SH3GL2: variants seen among roughly 807,000 people sequenced by gnomAD.
The protein encoded by SH3GL2 is endophilin-A1.
A neutral mutation model predicts 46.0 loss-of-function variants in SH3GL2; 24 were observed. The ratio of observed to expected loss-of-function variants is 0.52; its 90% confidence interval spans 0.38 to 0.73. The LOEUF is 0.73. SH3GL2 is among the 30% of genes least tolerant of loss of function. The pLI, the probability that SH3GL2 is intolerant of heterozygous loss-of-function variation, is 0.00. For synonymous variants in SH3GL2, 196 were observed against 147.1 expected, an observed-to-expected ratio of 1.33 and a Z score of -2.40; for missense variants, 413 against 424.2, an observed-to-expected ratio of 0.97 and a Z score of 0.23.
At chr9:17,721,997 G>A (rs1291664651) in intron 1 of SH3GL2, among the ~76,000 whole-genome samples, 2 of 152,088 alleles carry the variant, frequency 1.3e-5, no homozygotes, top group African/African-American at 4.8e-5. Flanking sequence ...TGGTGCCTGA[G>A]ACACATGTAT....
intron 2 of SH3GL2, among the ~76,000 whole-genome samples, chr9:17,759,100 T>G (rs1350204856): frequency 6.6e-6 from 1 of 152,024 alleles, no homozygotes; most frequent in Non-Finnish European, 1.5e-5. Context: ...GTAGCCAAAA[T>G]GAGAAACTAG....
intron 3 of SH3GL2, among the ~76,000 whole-genome samples, chr9:17,775,587 A>C (rs1248594461): frequency 6.6e-6 from 1 of 152,236 alleles, no homozygotes; most frequent in Non-Finnish European, 1.5e-5. Flanking sequence ...AGATAGTAGC[A>C]ATTAATGAAT....
chr9:17,630,464 A>T (rs1300328115), intron 1 of SH3GL2: 3 of 152,236 alleles, frequency 2.0e-5, no homozygotes, highest in Admixed American at 6.5e-5. Flanking sequence ...ACACAAACAC[A>T]CACCCTACTC....
intron 2 of SH3GL2, among the ~76,000 whole-genome samples, chr9:17,758,559 C>CT (rs1823071872): frequency 9.1e-5 from 1 of 10,942 alleles, no homozygotes; most frequent in Admixed American, 1.7e-3. Flanking sequence ...AAGACCCTGT[C>CT]TCAAAAAAAA....
intron 1 of SH3GL2, among the ~76,000 whole-genome samples, chr9:17,695,409 G>C (rs1288710464): frequency 6.6e-6 from 1 of 152,138 alleles, no homozygotes. Flanking sequence ...CAGGGGGTTA[G>C]AAACTTCACG....
chr9:17,759,517 A>C (rs191952892), intron 2 of SH3GL2, among the ~76,000 whole-genome samples: 75 of 152,242 alleles, frequency 4.9e-4, no homozygotes, highest in Non-Finnish European at 8.2e-4. Context: ...AAGAACACAC[A>C]CACTGGAACT....
At position 17,786,265 on chromosome 9, in the gene SH3GL2, A is replaced by G. The variant is rs1196116554; in HGVS notation, c.188-116A>G. The G allele has an allele frequency of 5.6e-6, 5 of 889,306 alleles. No homozygotes were observed. In the Admixed American group the frequency reaches 9.7e-5, roughly 17 times the overall value. 55.1% of individuals were successfully genotyped at this position (889,306 alleles called of 1,614,324 possible). ...GAACACTGGAGCGTACTGAAGGTAC[A>G]CTTATCAGTAGCTGAGCTACTTTGT... On this transcript the variant is annotated intron_variant, in intron 3 of 8. Transcript: ENST00000380607.
chr9:17,660,436 G>T (rs563442339), intron 1 of SH3GL2, among the ~76,000 whole-genome samples: 35 of 152,256 alleles, frequency 2.3e-4, no homozygotes, highest in African/African-American at 8.4e-4. Context: ...TAGCTGAGCC[G>T]GTAGACATTT....
rs534806122 is a variant in SH3GL2, at chr9:17,724,927, C to T, written c.46-22139C>T. 1.0e-3 allele frequency among the ~76,000 whole-genome samples: 155 copies of T among 151,784 alleles called. 4 individuals carry two copies. In the South Asian group the frequency reaches 0.03, roughly 29 times the overall value. ...GCTGGCTTAGCCAGTTGGATGTATG[C>T]GTGGCTTTCACGGTTCAGGGAATTT... On this transcript the variant is annotated intron_variant, in intron 1 of 8. Coordinates refer to ENST00000380607, the MANE Select transcript of SH3GL2 (RefSeq NM_003026.5).
rs796348617 is a variant in SH3GL2 at position 17,730,127 on chromosome 9, CTT to C, written c.46-16938_46-16937del. 9.9e-5 allele frequency among the ~76,000 whole-genome samples: 15 copies of C among 152,212 alleles called. No homozygotes were observed. In the East Asian group the frequency reaches 2.1e-3, roughly 22 times the overall value. The stretch of plus-strand genomic sequence containing the variant: ...GTTTTCCCATTTGTTTGTGTCCTCT[CTT>C]ATTTCCTTGAGCAGTGTCATGTACT... On this transcript the variant is annotated intron_variant, in intron 1 of 8. Coordinates refer to ENST00000380607, the MANE Select transcript of SH3GL2 (RefSeq NM_003026.5).
chr9:17,649,832 A>G (rs1339132440), intron 1 of SH3GL2, among the ~76,000 whole-genome samples: 1 of 152,226 alleles, frequency 6.6e-6, no homozygotes, highest in Non-Finnish European at 1.5e-5. Context: ...GTGTCAAACC[A>G]ATTTGTTATA....
chr9:17,709,271 C>T (rs1821555955), intron 1 of SH3GL2, among the ~76,000 whole-genome samples: 1 of 151,952 alleles, frequency 6.6e-6, no homozygotes, highest in African/African-American at 2.4e-5. Flanking sequence ...TTACAATATC[C>T]TGTCGTGGAT....
intron 3 of SH3GL2, among the ~76,000 whole-genome samples, chr9:17,775,359 AG>A (rs1286772587): frequency 6.6e-6 from 1 of 152,204 alleles, no homozygotes; most frequent in Non-Finnish European, 1.5e-5. Flanking sequence ...TTTCTCCAAA[AG>A]TGGGAAAACA....
chr9:17,585,723 T>C (rs1266805857), intron 1 of SH3GL2, among the ~76,000 whole-genome samples: 1 of 152,092 alleles, frequency 6.6e-6, no homozygotes, highest in Non-Finnish European at 1.5e-5. Flanking sequence ...CATTGGTGCA[T>C]TGGTAGGTCG....
chr9:17,783,346 C>T (rs146144592), intron 3 of SH3GL2, among the ~76,000 whole-genome samples: 1 of 151,506 alleles, frequency 6.6e-6, no homozygotes, highest in African/African-American at 2.4e-5. Context: ...TAAGATTTAG[C>T]AGAAGTACTG....
chr9:17,595,925 T>G (rs1265293295), intron 1 of SH3GL2, among the ~76,000 whole-genome samples: 1 of 152,218 alleles, frequency 6.6e-6, no homozygotes, highest in East Asian at 1.9e-4. Context: ...TGATTATTCC[T>G]GGTCAGTGGG....
intron 3 of SH3GL2, among the ~76,000 whole-genome samples, chr9:17,785,740 C>G (rs979139348): frequency 1.3e-5 from 2 of 152,118 alleles, no homozygotes; most frequent in Non-Finnish European, 2.9e-5. Flanking sequence ...GAAATGTTCT[C>G]TTTGAGGCAC....
At chr9:17,698,558 A>C (rs1374038864) in intron 1 of SH3GL2, among the ~76,000 whole-genome samples, 1 of 152,222 alleles carries the variant, frequency 6.6e-6, no homozygotes. Context: ...AATTGGATGT[A>C]ATATGAAGAG....
chr9:17,666,104 C>T, intron 1 of SH3GL2, among the ~76,000 whole-genome samples: 1 of 151,626 alleles, frequency 6.6e-6, no homozygotes, highest in East Asian at 1.9e-4. Flanking sequence ...GAAAAAGTAA[C>T]CTAATGACTA....
Sources: allele counts gnomAD v4.1 joint callset (sites outside exome capture counted in the v4.1 genomes callset), GRCh38; gene constraint gnomAD v4.1.1; transcripts MANE v1.5; gene names NCBI Gene and HGNC (gene_info 2026-07-23, HGNC 2026-07-21).